The following PRDM5 variants were observed in gnomAD, a reference collection of about 807,000 sequenced individuals.
PRDM5 encodes PR/SET domain 5.
In PRDM5, 56 loss-of-function variants were observed where a neutral mutation model predicts 81.2. The observed-to-expected ratio is 0.69, with a 90% confidence interval of 0.56 to 0.86. The LOEUF (loss-of-function observed/expected upper bound fraction) is 0.86, where lower values mean the gene tolerates loss of function less well. Ranked by LOEUF, PRDM5 falls within the 40% of genes least tolerant of loss-of-function variation. PRDM5 has a pLI of 0.00. For synonymous variants in PRDM5, 267 were observed against 256.4 expected, an observed-to-expected ratio of 1.04 and a Z score of -0.39; for missense variants, 697 against 770.1, an observed-to-expected ratio of 0.91 and a Z score of 1.12.
At chr4:120,782,611 T>G (rs1749196559) in intron 11 of PRDM5, among the ~76,000 whole-genome samples, 1 of 152,176 alleles carries the variant, frequency 6.6e-6, no homozygotes, top group Non-Finnish European at 1.5e-5. Context: ...ATGCATGAAC[T>G]ATGTGGATTC....
chr4:120,730,095 C>T (rs537799906), intron 14 of PRDM5, among the ~76,000 whole-genome samples: 50 of 152,252 alleles, frequency 3.3e-4, no homozygotes, highest in African/African-American at 1.1e-3. Flanking sequence ...ATGAAGAATA[C>T]GGTTTTTAAG....
At chr4:120,827,598 C>G (rs936121369) in intron 3 of PRDM5, among the ~76,000 whole-genome samples, 1 of 152,106 alleles carries the variant, frequency 6.6e-6, no homozygotes, top group African/African-American at 2.4e-5. Context: ...GGTCTTAACA[C>G]TATAAGAAAA....
intron 14 of PRDM5, among the ~76,000 whole-genome samples, chr4:120,725,135 T>C (rs1031329483): frequency 6.6e-6 from 1 of 151,674 alleles, no homozygotes; most frequent in African/African-American, 2.4e-5. Context: ...ACAGTATTAC[T>C]GTAATAAACG....
At chr4:120,760,919 C>T (rs996694747) in intron 13 of PRDM5, among the ~76,000 whole-genome samples, 3 of 151,920 alleles carry the variant, frequency 2.0e-5, no homozygotes, top group African/African-American at 7.2e-5. Flanking sequence ...ATAAATTATA[C>T]AAAACAAGGA....
chr4:120,716,527 A>G (rs1217809138), intron 14 of PRDM5, among the ~76,000 whole-genome samples: 1 of 152,204 alleles, frequency 6.6e-6, no homozygotes, highest in Non-Finnish European at 1.5e-5. Context: ...GCTCTCTGTC[A>G]TAACTAAGTA....
At chr4:120,779,020 A>T (rs1228242367) in intron 12 of PRDM5, among the ~76,000 whole-genome samples, 1 of 152,142 alleles carries the variant, frequency 6.6e-6, no homozygotes, top group Admixed American at 6.6e-5. Flanking sequence ...CAAACAGATA[A>T]TTACTAATTT....
At chr4:120,690,953 A>T (rs1202038142), downstream of PRDM5, among the ~76,000 whole-genome samples, 1 of 152,156 alleles carries the variant, frequency 6.6e-6, no homozygotes, top group East Asian at 1.9e-4. Context: ...GCATGGGTTC[A>T]AGGACTAAGA....
chr4:120,776,561 A>G (rs907216283), intron 13 of PRDM5, among the ~76,000 whole-genome samples: 16 of 152,316 alleles, frequency 1.1e-4, no homozygotes, highest in Middle Eastern at 3.4e-3. Flanking sequence ...TATTAATAGT[A>G]TTCTTTCAAG....
chr4:120,735,357 T>C (rs1740957997), intron 14 of PRDM5, among the ~76,000 whole-genome samples: 2 of 152,158 alleles, frequency 1.3e-5, no homozygotes, highest in African/African-American at 2.4e-5. Flanking sequence ...TGAAACTCTG[T>C]CTAAATTTTA....
intron 11 of PRDM5, among the ~76,000 whole-genome samples, chr4:120,783,997 G>A (rs1252567410): frequency 6.6e-6 from 1 of 152,088 alleles, no homozygotes; most frequent in Non-Finnish European, 1.5e-5. Context: ...TTAAGCAGCA[G>A]TAGGAACTTC....
At chr4:120,858,957 TTCCTC>T (rs1274567895) in intron 2 of PRDM5, among the ~76,000 whole-genome samples, 4 of 152,150 alleles carry the variant, frequency 2.6e-5, no homozygotes, top group African/African-American at 9.7e-5. Flanking sequence ...GGTGAGTCGT[TTCCTC>T]TCACTGAACT....
chr4:120,723,623 G>T (rs1738949825), intron 14 of PRDM5, among the ~76,000 whole-genome samples: 1 of 151,910 alleles, frequency 6.6e-6, no homozygotes, highest in African/African-American at 2.4e-5. Flanking sequence ...AAATGAAAGA[G>T]AAAGAAATAT....
At position 120,685,447 on chromosome 4, in the gene PRDM5, A is replaced by G; in HGVS notation, n.104-422T>C. Among the ~76,000 whole-genome samples, 2 of 152,142 alleles carry G rather than the reference A, an allele frequency of 1.3e-5. 1 individual carries two copies. The highest frequency in any genetic ancestry group is 2.9e-5 in the Non-Finnish European group (2 of 68,016). ...TAAGTACAGTGCTTAAGGACTTTCA[A>G]AAATATTCCCAAATGAAATGCTTCT... On this transcript the variant is annotated intron_variant and non_coding_transcript_variant, in intron 1 of 1. Transcript: ENST00000513741.
chr4:120,798,036 T>C (rs541513000), intron 10 of PRDM5, among the ~76,000 whole-genome samples: 1 of 152,136 alleles, frequency 6.6e-6, no homozygotes, highest in Non-Finnish European at 1.5e-5. Context: ...ATAAAATTAA[T>C]CTAATAGCGG....
chr4:120,864,637 T>C (rs1419944335), intron 2 of PRDM5, among the ~76,000 whole-genome samples: 2 of 152,212 alleles, frequency 1.3e-5, no homozygotes, highest in African/African-American at 4.8e-5. Flanking sequence ...TGAGTGTCAT[T>C]GATCAGTATC....
intron 3 of PRDM5, among the ~76,000 whole-genome samples, chr4:120,825,141 A>G (rs912688349): frequency 2.0e-5 from 3 of 152,128 alleles, no homozygotes; most frequent in Admixed American, 2.0e-4. Flanking sequence ...CAAACAGCCT[A>G]ATCTCCCAAA....
intron 3 of PRDM5, among the ~76,000 whole-genome samples, chr4:120,832,802 T>C (rs1369288698): frequency 6.6e-6 from 1 of 152,132 alleles, no homozygotes; most frequent in Non-Finnish European, 1.5e-5. Context: ...TCTCAACAAA[T>C]TCTTAAGAAG....
chr4:120,747,585 C>CA (rs1451595886), intron 14 of PRDM5, among the ~76,000 whole-genome samples: 1 of 152,142 alleles, frequency 6.6e-6, no homozygotes, highest in Admixed American at 6.5e-5. Flanking sequence ...CGTTTGGACT[C>CA]AGAGACTCAC....
chr4:120,730,488 C>A (rs1410607058), intron 14 of PRDM5, among the ~76,000 whole-genome samples: 1 of 152,142 alleles, frequency 6.6e-6, no homozygotes, highest in African/African-American at 2.4e-5. Context: ...ACAGATAAGT[C>A]TTTATCCCAA....
Sources: allele counts gnomAD v4.1 joint callset (sites outside exome capture counted in the v4.1 genomes callset), GRCh38; gene constraint gnomAD v4.1.1; transcripts MANE v1.5; gene names NCBI Gene and HGNC (gene_info 2026-07-23, HGNC 2026-07-21).